DLG2: variants seen among roughly 807,000 people sequenced by gnomAD.
DLG2 encodes the protein discs large MAGUK scaffold protein 2.
In DLG2, 45 loss-of-function variants were observed where a neutral mutation model predicts 132.5. The ratio of observed to expected loss-of-function variants is 0.34; its 90% CI spans 0.27 to 0.44. The LOEUF is 0.44. Ranked by LOEUF, DLG2 falls within the 20% of genes least tolerant of loss-of-function variation. The pLI, the probability that DLG2 is intolerant of heterozygous loss-of-function variation, is 1.00. For synonymous variants in DLG2, 424 were observed against 419.6 expected, an observed-to-expected ratio of 1.01 and a Z score of -0.13; for missense variants, 1,045 against 1,196.9, an observed-to-expected ratio of 0.87 and a Z score of 1.87.
At chr11:84,367,198 C>G (rs907927329) in intron 7 of DLG2, among the ~76,000 whole-genome samples, 3 of 152,120 alleles carry the variant, frequency 2.0e-5, no homozygotes, top group Non-Finnish European at 2.9e-5. Context: ...ACTAAACAAC[C>G]TGCTCAAATA....
intron 11 of DLG2, among the ~76,000 whole-genome samples, chr11:84,027,689 C>A (rs2095574868): frequency 6.6e-6 from 1 of 151,702 alleles, no homozygotes; most frequent in Non-Finnish European, 1.5e-5. Flanking sequence ...TTAACTCTCA[C>A]CCTCATCTTT....
intron 4 of DLG2, among the ~76,000 whole-genome samples, chr11:85,231,290 G>A (rs1382614489): frequency 2.6e-5 from 4 of 151,914 alleles, no homozygotes; most frequent in Non-Finnish European, 5.9e-5. Context: ...ATTTTGCACT[G>A]ATTTAAGTTC....
At chr11:84,894,077 T>G (rs948970914) in intron 6 of DLG2, among the ~76,000 whole-genome samples, 8 of 152,176 alleles carry the variant, frequency 5.3e-5, no homozygotes, top group African/African-American at 1.9e-4. Context: ...TATAAATCTA[T>G]GTATACAATG....
chr11:85,556,873 A>AT (rs1451175732), intron 3 of DLG2, among the ~76,000 whole-genome samples: 1 of 151,886 alleles, frequency 6.6e-6, no homozygotes, highest in African/African-American at 2.4e-5. Context: ...AGATGAAAAA[A>AT]ATATATGTCA....
intron 4 of DLG2, 60 bp downstream of exon 4, chr11:85,285,160 C>T (rs940346885): frequency 1.8e-5 from 26 of 1,461,156 alleles, no homozygotes; most frequent in African/African-American, 2.8e-5. Flanking sequence ...ACTACCATTA[C>T]TTCTTTAGTG....
intron 6 of DLG2, among the ~76,000 whole-genome samples, chr11:84,943,070 A>C (rs2049678529): frequency 6.6e-6 from 1 of 151,326 alleles, no homozygotes; most frequent in Non-Finnish European, 1.5e-5. Context: ...ATTTACATTA[A>C]ATATCTTTCT....
intron 19 of DLG2, among the ~76,000 whole-genome samples, chr11:83,603,243 AT>A (rs887987904): frequency 6.6e-6 from 1 of 152,160 alleles, no homozygotes; most frequent in Admixed American, 6.5e-5. Flanking sequence ...TCAGGATGCC[AT>A]TTTTTATATA....
intron 18 of DLG2, among the ~76,000 whole-genome samples, chr11:83,637,461 T>C (rs911664159): frequency 6.6e-6 from 1 of 152,186 alleles, no homozygotes; most frequent in Non-Finnish European, 1.5e-5. Context: ...AAGAAAGTTC[T>C]GAGGTAGATA....
At chr11:85,120,651 T>C (rs916378273) in intron 5 of DLG2, among the ~76,000 whole-genome samples, 3 of 152,056 alleles carry the variant, frequency 2.0e-5, no homozygotes, top group Non-Finnish European at 2.9e-5. Context: ...TATTTCTCAT[T>C]GTAAAAGCAT....
chr11:83,757,271 T>A (rs780653064), intron 18 of DLG2, among the ~76,000 whole-genome samples: 1 of 152,252 alleles, frequency 6.6e-6, no homozygotes, highest in African/African-American at 2.4e-5. Context: ...GCTCTTCTGC[T>A]TTTTGATACT....
At chr11:84,673,280 C>T (rs1301511265) in intron 6 of DLG2, among the ~76,000 whole-genome samples, 2 of 152,016 alleles carry the variant, frequency 1.3e-5, no homozygotes, top group African/African-American at 4.8e-5. Flanking sequence ...ATAAATATTG[C>T]TAGGCTGCTA....
chr11:84,081,827 T>C (rs1193186179), intron 10 of DLG2, among the ~76,000 whole-genome samples: 2 of 152,218 alleles, frequency 1.3e-5, no homozygotes, highest in Admixed American at 6.5e-5. Context: ...CCTTTGGGTA[T>C]ATACCCAGTA....
At chr11:84,777,942 A>G (rs1451937162) in intron 6 of DLG2, among the ~76,000 whole-genome samples, 2 of 152,128 alleles carry the variant, frequency 1.3e-5, no homozygotes, top group African/African-American at 4.8e-5. Flanking sequence ...TGCTGTGCAG[A>G]AGATTTTTAG....
intron 18 of DLG2, among the ~76,000 whole-genome samples, chr11:83,749,359 G>A (rs1026712462): frequency 4.6e-5 from 7 of 152,158 alleles, no homozygotes; most frequent in African/African-American, 1.7e-4. Context: ...TCAGGATACA[G>A]GGGTCATTTC....
chr11:85,121,151 T>C (rs1480705245), intron 5 of DLG2, among the ~76,000 whole-genome samples: 2 of 152,032 alleles, frequency 1.3e-5, no homozygotes, highest in Non-Finnish European at 2.9e-5. Context: ...TATAAAAAAG[T>C]AGCCGAACTG....
At chr11:84,447,382 G>T (rs1447504022) in intron 7 of DLG2, among the ~76,000 whole-genome samples, 1 of 152,110 alleles carries the variant, frequency 6.6e-6, no homozygotes, top group Middle Eastern at 3.2e-3. Flanking sequence ...AGTCTAGACA[G>T]ACAGTACATG....
intron 17 of DLG2, among the ~76,000 whole-genome samples, chr11:83,801,210 C>T (rs1285726486): frequency 6.6e-6 from 1 of 152,046 alleles, no homozygotes; most frequent in African/African-American, 2.4e-5. Context: ...TTCTCTAACT[C>T]CACCCCATCC....
intron 4 of DLG2, among the ~76,000 whole-genome samples, chr11:85,222,915 TC>T (rs575117788): frequency 7.6e-4 from 115 of 152,114 alleles, no homozygotes; most frequent in Non-Finnish European, 1.4e-3. Flanking sequence ...TCACTTCCCT[TC>T]TTCCACTCAA....
intron 7 of DLG2, among the ~76,000 whole-genome samples, chr11:84,380,611 C>T (rs1370954410): frequency 6.6e-6 from 1 of 151,444 alleles, no homozygotes. Context: ...TAAGTATTTA[C>T]ATTAGAAAAG....
Sources: allele counts gnomAD v4.1 joint callset (sites outside exome capture counted in the v4.1 genomes callset), GRCh38; gene constraint gnomAD v4.1.1; transcripts MANE v1.5; gene names NCBI Gene and HGNC (gene_info 2026-07-23, HGNC 2026-07-21).